Variants in SHPRH observed in about 807,000 individuals in gnomAD.
SHPRH encodes SNF2 histone linker PHD RING helicase, also known as E3 ubiquitin-protein ligase SHPRH.
SHPRH carries 106 observed loss-of-function variants against 202.5 expected under a neutral mutation model. The ratio of observed to expected loss-of-function variants is 0.52; its 90% CI spans 0.45 to 0.62. SHPRH has a LOEUF of 0.62. Ranked by LOEUF, SHPRH falls within the 20% of genes least tolerant of loss-of-function variation. SHPRH has a pLI of 0.00. For synonymous variants in SHPRH, 729 were observed against 686.0 expected (o/e 1.06, Z -0.98); for missense variants, 1,710 against 2,020.0 (o/e 0.85, Z 2.94).
chr6:145,917,958 T>C, intron 23 of SHPRH, 173 bp downstream of exon 23: 2 of 446,604 alleles, frequency 4.5e-6, no homozygotes, highest in Non-Finnish European at 8.0e-6. Flanking sequence ...TTTCTATAGA[T>C]ACAATATTCT....
intron 19 of SHPRH, 117 bp downstream of exon 19, chr6:145,922,546 C>T (rs1447571749): frequency 1.5e-6 from 2 of 1,307,196 alleles, no homozygotes; most frequent in South Asian, 1.6e-5. Context: ...TCTCTTTCTA[C>T]TTCTGTCTCA....
chr6:145,900,604 T>C (rs1364227747), intron 25 of SHPRH, among the ~76,000 whole-genome samples: 1 of 152,086 alleles, frequency 6.6e-6, no homozygotes, highest in Non-Finnish European at 1.5e-5. Flanking sequence ...TACATAATAA[T>C]GTATTGTATA....
chr6:145,941,869 A>G lies in SHPRH; in HGVS notation c.2244T>C (p.Tyr748=). The G allele has an allele frequency of 6.2e-7, 1 of 1,613,514 alleles. No individual in the cohort carries two copies. Among genetic ancestry groups the G allele is most frequent in the South Asian group, 1.1e-5 (1 of 91,062 alleles). The change falls in exon 10 of 30, where the codon TAT becomes TAC. Residue 748 remains tyrosine, a synonymous_variant. Transcript: ENST00000275233. ...AAAAGCCATCTTTCTTCACTCCTTG[A>G]TATACCTAGGAAATAATCAATACAG... is the stretch of plus-strand genomic sequence containing the variant. ...VRSSSLRVLV[Y]QGVKKDGFLQ...
intron 2 of SHPRH, among the ~76,000 whole-genome samples, chr6:145,876,506 C>A (rs1780311565): frequency 6.6e-6 from 1 of 152,122 alleles, no homozygotes; most frequent in Non-Finnish European, 1.5e-5. Flanking sequence ...ATAAGTATTT[C>A]ATTTCTTTTT....
At chr6:145,913,206 T>A (rs1376626389) in intron 24 of SHPRH, among the ~76,000 whole-genome samples, 5 of 152,150 alleles carry the variant, frequency 3.3e-5, no homozygotes, top group African/African-American at 1.2e-4. Flanking sequence ...CACAACCTTG[T>A]GACTGGAAAC....
At chr6:145,915,918 A>T (rs1346580546) in intron 23 of SHPRH, among the ~76,000 whole-genome samples, 1 of 151,980 alleles carries the variant, frequency 6.6e-6, no homozygotes, top group Non-Finnish European at 1.5e-5. Flanking sequence ...TATCTCTTCA[A>T]GCTTCTGTCC....
intron 7 of SHPRH, 39 bp from the exon 8 acceptor site, chr6:145,945,676 TA>T (rs1477457876): frequency 2.6e-6 from 4 of 1,534,240 alleles, no homozygotes; most frequent in Non-Finnish European, 3.5e-6. Flanking sequence ...TCAAAATAAT[TA>T]AAATGAAAAG....
chr6:145,946,116 C>T (rs1787344108), intron 7 of SHPRH, 117 bp downstream of exon 7: 2 of 652,140 alleles, frequency 3.1e-6, no homozygotes, highest in Admixed American at 3.7e-5. Context: ...TTATCAAAAG[C>T]ATATATAACT....
intron 2 of SHPRH, among the ~76,000 whole-genome samples, chr6:145,866,861 A>G (rs757710965): frequency 2.0e-5 from 3 of 152,188 alleles, no homozygotes; most frequent in Non-Finnish European, 4.4e-5. Flanking sequence ...CTAGTACACA[A>G]TCACTTGTCA....
At chr6:145,952,504 G>C (rs750651086) in intron 2 of SHPRH, 26 bp from the exon 3 acceptor site, 1 of 1,585,754 alleles carries the variant, frequency 6.3e-7, no homozygotes, top group Non-Finnish European at 8.6e-7. Context: ...CAAAATAAAA[G>C]TAGTTTCATT....
intron 15 of SHPRH, among the ~76,000 whole-genome samples, 174 bp from the exon 16 acceptor site, chr6:145,926,470 G>C (rs1270565874): frequency 6.6e-6 from 1 of 151,856 alleles, no homozygotes; most frequent in Non-Finnish European, 1.5e-5. Flanking sequence ...TCAAGGGCAG[G>C]GTGTTAAGGT....
intron 25 of SHPRH, chr6:145,909,001 T>C (rs911885528): frequency 3.3e-5 from 5 of 152,208 alleles, no homozygotes; most frequent in East Asian, 1.9e-4. Flanking sequence ...ATTTACCCAA[T>C]AGGATCCTTT....
chr6:145,908,037 A>T (rs1171486083), intron 25 of SHPRH: 1 of 152,058 alleles, frequency 6.6e-6, no homozygotes, highest in African/African-American at 2.4e-5. Context: ...TTCCTGTGTT[A>T]GTTTGCTGAG....
At chr6:145,889,254 G>C (rs973816101) in intron 28 of SHPRH, among the ~76,000 whole-genome samples, 10 of 152,066 alleles carry the variant, frequency 6.6e-5, no homozygotes, top group African/African-American at 2.4e-4. Context: ...TCAGACCACT[G>C]GCAAGAAGTA....
At chr6:145,927,309 A>G (rs1562330613) in intron 14 of SHPRH, 32 bp from the exon 15 acceptor site, 16 of 1,578,502 alleles carry the variant, frequency 1.0e-5, no homozygotes, top group Non-Finnish European at 1.3e-5. Context: ...AAAGCATACG[A>G]GAGTCACATA....
intron 2 of SHPRH, among the ~76,000 whole-genome samples, chr6:145,872,637 TCAAAGA>T (rs1780106609): frequency 6.6e-6 from 1 of 152,170 alleles, no homozygotes; most frequent in African/African-American, 2.4e-5. Flanking sequence ...TGGTGATTCT[TCAAAGA>T]CAAAGAGGCA....
chr6:145,889,768 C>T (rs1781426919), intron 28 of SHPRH, among the ~76,000 whole-genome samples: 1 of 152,128 alleles, frequency 6.6e-6, no homozygotes, highest in Admixed American at 6.6e-5. Flanking sequence ...GATGCTCAAC[C>T]TGTACAAGGG....
At chr6:145,911,624 A>G (rs1387657450) in intron 24 of SHPRH, among the ~76,000 whole-genome samples, 1 of 152,152 alleles carries the variant, frequency 6.6e-6, no homozygotes, top group African/African-American at 2.4e-5. Flanking sequence ...GGTAAAAACA[A>G]TAAGAAAAAC....
rs9485033 is a variant in SHPRH, at chr6:145,931,498, G to A, written c.3112+1559C>T. ...CTCCCAAGTAGCTGGGACTACAGGC[G>A]CATGCCACCACACCCAGCTAGTAGA... On this transcript the variant is annotated intron_variant, in intron 14 of 29. Transcript: ENST00000275233. Among the ~76,000 whole-genome samples the A allele has an allele frequency of 7.1e-3, 1,080 of 152,086 alleles. 11 individuals carry two copies. Among genetic ancestry groups the A allele is most frequent in the African/African-American group, 0.024 (997 of 41,512 alleles).
Sources: allele counts gnomAD v4.1 joint callset (sites outside exome capture counted in the v4.1 genomes callset), GRCh38; gene constraint gnomAD v4.1.1; transcripts MANE v1.5; gene names NCBI Gene and HGNC (gene_info 2026-07-23, HGNC 2026-07-21).